The following UBOX5 variants were observed in gnomAD, a reference collection of about 807,000 sequenced individuals.
UBOX5 encodes RING finger protein 37.
UBOX5 carries 28 observed loss-of-function variants against 39.0 expected under a neutral mutation model. That is an observed-to-expected ratio of 0.72 (90% CI 0.53 to 0.98). The LOEUF (loss-of-function observed/expected upper bound fraction) is 0.98, where lower values mean the gene tolerates loss of function less well. Ranked by LOEUF, UBOX5 falls within the 50% of genes least tolerant of loss-of-function variation. The pLI, the probability that UBOX5 is intolerant of heterozygous loss-of-function variation, is 0.00. For missense variants in UBOX5, 585 were observed against 674.4 expected, an observed-to-expected ratio of 0.87 and a Z score of 1.47; for synonymous variants, 283 against 275.5, an observed-to-expected ratio of 1.03 and a Z score of -0.27.
intron 1 of UBOX5, among the ~76,000 whole-genome samples, chr20:3,143,711 T>C (rs2066537404): frequency 6.6e-6 from 1 of 152,158 alleles, no homozygotes; most frequent in Non-Finnish European, 1.5e-5. Context: ...GAGAACTGCC[T>C]GAACCTGGGA....
rs11904886 is a variant in UBOX5, at chr20:3,149,509, T to C, written c.-42+10257A>G. Among the ~76,000 whole-genome samples, 3,020 of 152,152 alleles carry C rather than the reference T, an allele frequency of 0.02. 117 individuals are homozygous for C. Among genetic ancestry groups the C allele is most frequent in the African/African-American group, 0.069 (2,852 of 41,496 alleles). ...CTGCTGCTCACCAGACTTCCTTCAC[T>C]GTACAAGGCAAGCAGTGACGGCTAA... On this transcript the variant is annotated intron_variant, in intron 1 of 4. Transcript: ENST00000217173. This position sits in a 1 kb window ranked among gnomAD's most constrained non-coding sequence, Gnocchi z 4.1.
At chr20:3,146,756 G>A in intron 1 of UBOX5, 1 of 1,603,966 alleles carries the variant, frequency 6.2e-7, no homozygotes, top group African/African-American at 1.3e-5. Flanking sequence ...CTTTGCCATA[G>A]AAATGCCCCT....
chr20:3,125,119 T>TG (rs1221426313), intron 1 of UBOX5, among the ~76,000 whole-genome samples: 32 of 116,330 alleles, frequency 2.8e-4, no homozygotes, highest in African/African-American at 4.3e-4. Flanking sequence ...CCGCCCCGTC[T>TG]GGAGGTGAGG....
At chr20:3,158,125 G>GT (rs941465393) in intron 1 of UBOX5, among the ~76,000 whole-genome samples, 137 of 151,642 alleles carry the variant, frequency 9.0e-4, no homozygotes, top group African/African-American at 2.5e-3. Flanking sequence ...TTTTTTGTGT[G>GT]TTTTTTTTGT....
At chr20:3,151,694 T>C (rs951186449) in intron 1 of UBOX5, 6 of 150,406 alleles carry the variant, frequency 4.0e-5, no homozygotes, top group African/African-American at 1.2e-4. Flanking sequence ...TATAGAAAAA[T>C]AGTACTAAAA....
intron 1 of UBOX5, chr20:3,135,980 A>C (rs1388972682): frequency 6.6e-6 from 1 of 152,186 alleles, no homozygotes. Flanking sequence ...ACACTAATGA[A>C]AAGTCTGCTA....
At chr20:3,154,853 T>C (rs1038993460) in intron 1 of UBOX5, among the ~76,000 whole-genome samples, 7 of 149,304 alleles carry the variant, frequency 4.7e-5, no homozygotes, top group South Asian at 4.2e-4. Flanking sequence ...TAGGGGGAGG[T>C]TGATGATACA....
At chr20:3,117,287 GCACACACACACACA>G (rs11468015) in intron 3 of UBOX5, among the ~76,000 whole-genome samples, 2,070 of 147,502 alleles carry the variant, frequency 0.014, 24 homozygotes, top group Middle Eastern at 0.031. Flanking sequence ...ACCAAAGATG[GCACACACACACACA>G]CACACACACA....
chr20:3,125,000 C>CTT (rs1303212620), intron 1 of UBOX5, among the ~76,000 whole-genome samples: 2 of 150,228 alleles, frequency 1.3e-5, no homozygotes, highest in African/African-American at 4.9e-5. Context: ...CCCGGCCGCC[C>CTT]CGTCTGAGAA....
intron 1 of UBOX5, among the ~76,000 whole-genome samples, chr20:3,155,482 G>A (rs1401812608): frequency 6.6e-6 from 1 of 152,120 alleles, no homozygotes; most frequent in South Asian, 2.1e-4. Context: ...GGTGAGGCGA[G>A]GTCGCACCAC....
chr20:3,135,273 T>C (rs142679285), intron 1 of UBOX5, among the ~76,000 whole-genome samples: 1,845 of 152,220 alleles, frequency 0.012, 22 homozygotes, highest in South Asian at 0.032. Context: ...TGGACAACTC[T>C]GAAGAGGGAC....
At position 3,114,387 on chromosome 20, in the gene UBOX5, C is replaced by T. The variant is rs540923672; in HGVS notation, c.1417+918G>A. On this transcript the variant is annotated intron_variant, in intron 4 of 4. Transcript: ENST00000217173. ...ACAGCCTAAAAGCCAAGAGAGAAGG[C>T]GTTTCGCACAGCAGGAGCTCCATCT... is the stretch of plus-strand genomic sequence containing the variant. Among the ~76,000 whole-genome samples the T allele has an allele frequency of 2.0e-3, 297 of 152,154 alleles. 2 individuals are homozygous for T. Among genetic ancestry groups the T allele is most frequent in the African/African-American group, 6.6e-3 (274 of 41,514 alleles).
chr20:3,133,757 G>A (rs927032867), intron 1 of UBOX5, among the ~76,000 whole-genome samples: 58 of 49,902 alleles, frequency 1.2e-3, no homozygotes, highest in African/African-American at 3.6e-3. Flanking sequence ...TATTTTTTTT[G>A]GGGGGGGGAA....
chr20:3,147,291 G>A, intron 1 of UBOX5: 1 of 1,614,202 alleles, frequency 6.2e-7, no homozygotes, highest in Non-Finnish European at 8.5e-7. Context: ...TTAACATCAA[G>A]CTGGACCTCT....
intron 1 of UBOX5, chr20:3,147,715 G>A (rs772346024): frequency 1.2e-6 from 2 of 1,614,192 alleles, no homozygotes; most frequent in South Asian, 1.1e-5. Flanking sequence ...TTATCAGGCT[G>A]GAGTAAAATT....
chr20:3,124,718 C>A (rs1297962996), intron 1 of UBOX5, among the ~76,000 whole-genome samples: 2 of 148,198 alleles, frequency 1.3e-5, no homozygotes, highest in Non-Finnish European at 3.0e-5. Flanking sequence ...ATGTGAGGAG[C>A]GTCTCTGCCC....
intron 1 of UBOX5, among the ~76,000 whole-genome samples, chr20:3,155,067 A>AG (rs2066670310): frequency 7.8e-6 from 1 of 128,800 alleles, no homozygotes; most frequent in Admixed American, 8.2e-5. Flanking sequence ...AAAAAAAAAA[A>AG]AAAAAGAAAA....
In UBOX5 at chr20:3,156,100, A is replaced by T. The variant is rs146438483; in HGVS notation, c.-42+3666T>A. 8.5e-5 allele frequency among the ~76,000 whole-genome samples: 13 copies of T among 152,326 alleles called. No individual in the cohort carries two copies. In the East Asian group the frequency reaches 2.3e-3, roughly 27 times the overall value. ...GAGAAGGTTAGTTCCTCCTTACTCA[A>T]AGACTCTCAGAAAATCCATAGGAAA... is the stretch of plus-strand genomic sequence containing the variant. On this transcript the variant is annotated intron_variant, in intron 1 of 4. Coordinates refer to ENST00000217173, the MANE Select transcript of UBOX5 (RefSeq NM_014948.4).
chr20:3,149,035 TCTTA>T lies in UBOX5; in HGVS notation c.-42+10727_-42+10730del. 2 of 1,613,638 alleles carry T rather than the reference TCTTA, an allele frequency of 1.2e-6. No homozygotes were observed. The highest frequency in any genetic ancestry group is 1.7e-6 in the Non-Finnish European group (2 of 1,179,750). ...CAGAAGGACTGCAAAATGCTCGGTATCTTACAAGTTTTAATGACTTGAGAGTAGC... is the reference window on the plus strand; with the variant it reads ...CAGAAGGACTGCAAAATGCTCGGTATCAAGTTTTAATGACTTGAGAGTAGC... On this transcript the variant is annotated intron_variant, in intron 1 of 4. Coordinates refer to ENST00000217173, the MANE Select transcript of UBOX5 (RefSeq NM_014948.4). This position sits in a 1 kb window ranked among gnomAD's most constrained non-coding sequence, Gnocchi z 4.1.
Sources: gnomAD v4.1 joint callset for allele counts (sites outside exome capture counted in the v4.1 genomes callset) on GRCh38, gnomAD v4.1.1 for gene constraint, Gnocchi (gnomAD v3.1) non-coding constraint, MANE v1.5 for transcripts, NCBI Gene and HGNC (gene_info 2026-07-23, HGNC 2026-07-21) for gene names.